Variants in CNTN4 observed in about 807,000 individuals in gnomAD.
CNTN4 encodes the protein contactin 4, also known as contactin-4.
In CNTN4, 77 loss-of-function variants were observed where a neutral mutation model predicts 122.5. That is an observed-to-expected ratio of 0.63 (90% CI 0.52 to 0.76). The LOEUF (loss-of-function observed/expected upper bound fraction) is 0.76. CNTN4 is among the 30% of genes least tolerant of loss of function. The pLI is 0.00. For missense variants in CNTN4, 1,256 were observed against 1,259.1 expected (o/e 1.00, Z 0.04); for synonymous variants, 512 against 447.0 (o/e 1.15, Z -1.83).
chr3:2,798,066 C>CCTTCCCAT (rs2092245702), intron 6 of CNTN4, among the ~76,000 whole-genome samples: 1 of 146,194 alleles, frequency 6.8e-6, no homozygotes, highest in African/African-American at 2.6e-5. Context: ...TTTTTTTAAT[C>CCTTCCCAT]CCTCCCACCC....
At chr3:2,390,735 G>T (rs2046413300) in intron 3 of CNTN4, among the ~76,000 whole-genome samples, 1 of 152,036 alleles carries the variant, frequency 6.6e-6, no homozygotes, top group African/African-American at 2.4e-5. Flanking sequence ...AATTAAAGCA[G>T]TTTTACAAAA....
chr3:2,447,692 T>G (rs886349408), intron 3 of CNTN4, among the ~76,000 whole-genome samples: 2 of 152,248 alleles, frequency 1.3e-5, no homozygotes, highest in Non-Finnish European at 2.9e-5. Context: ...ATATTAAAAA[T>G]GTATATACCT....
At chr3:2,319,374 G>C (rs1359815545) in intron 2 of CNTN4, among the ~76,000 whole-genome samples, 1 of 152,070 alleles carries the variant, frequency 6.6e-6, no homozygotes, top group Non-Finnish European at 1.5e-5. Context: ...CTTAACCCTT[G>C]AACAACGTTA....
chr3:2,980,938 T>C (rs935591182), intron 13 of CNTN4, among the ~76,000 whole-genome samples: 31 of 152,152 alleles, frequency 2.0e-4, no homozygotes, highest in African/African-American at 7.5e-4. Flanking sequence ...CACCCTGTTG[T>C]CTGCTTCTTG....
chr3:2,804,385 G>A lies in CNTN4; in HGVS notation c.359-15101G>A, dbSNP rs570239421. On this transcript the variant is annotated intron_variant, in intron 6 of 24. Coordinates refer to ENST00000418658, the MANE Select transcript of CNTN4 (RefSeq NM_175607.3). ...CCTGGGTTAGTATTCTGGCATTATC[G>A]TTTACTAACAATGTGTACTTGAGCA... is the stretch of plus-strand genomic sequence containing the variant. Among the ~76,000 whole-genome samples the A allele has an allele frequency of 5.3e-5, 8 of 152,206 alleles. 1 individual carries two copies. The South Asian group carries it at 1.5e-3, about 28-fold the overall frequency.
Position 3,013,215 on chromosome 3 carries a change from A to T in CNTN4, c.1487-12887A>T, listed in dbSNP as rs966395050. On this transcript the variant is annotated intron_variant, in intron 14 of 24. Transcript: ENST00000418658. ...TGCCAAATACCATCTCCTCCAAATT[A>T]TAGATAAGAAAACTACAGCTCAGAG... 4.6e-5 allele frequency among the ~76,000 whole-genome samples: 7 copies of T among 152,102 alleles called. 2 individuals are homozygous for T. The highest frequency in any genetic ancestry group is 4.6e-4 in the Admixed American group (7 of 15,284).
chr3:2,779,617 T>C (rs1159186776), intron 6 of CNTN4, among the ~76,000 whole-genome samples: 1 of 152,248 alleles, frequency 6.6e-6, no homozygotes, highest in African/African-American at 2.4e-5. Context: ...TATCACTTAC[T>C]AGATGTGATG....
intron 4 of CNTN4, among the ~76,000 whole-genome samples, chr3:2,659,902 A>G (rs2083794151): frequency 1.3e-5 from 2 of 152,252 alleles, no homozygotes; most frequent in South Asian, 4.1e-4. Context: ...GTTCAGATAC[A>G]TCGAACTGGA....
chr3:2,976,721 T>C (rs1693449740), intron 13 of CNTN4, among the ~76,000 whole-genome samples: 1 of 152,226 alleles, frequency 6.6e-6, no homozygotes, highest in Non-Finnish European at 1.5e-5. Context: ...TAATTCAAAA[T>C]AATTAATTCC....
chr3:2,122,621 T>C (rs2033874196), intron 2 of CNTN4, among the ~76,000 whole-genome samples: 1 of 152,224 alleles, frequency 6.6e-6, no homozygotes, highest in Non-Finnish European at 1.5e-5. Context: ...GAAAGAAGAA[T>C]TGGAATTTTT....
At chr3:2,968,712 G>A (rs1429583733) in intron 13 of CNTN4, among the ~76,000 whole-genome samples, 1 of 152,178 alleles carries the variant, frequency 6.6e-6, no homozygotes, top group Non-Finnish European at 1.5e-5. Flanking sequence ...AACACAGAGA[G>A]CAAAAGGACT....
At chr3:2,561,163 G>C (rs1181106604) in intron 3 of CNTN4, among the ~76,000 whole-genome samples, 1 of 152,070 alleles carries the variant, frequency 6.6e-6, no homozygotes, top group Non-Finnish European at 1.5e-5. Context: ...AGAGTGTTTT[G>C]TGCTTACCTT....
At chr3:2,124,656 C>T (rs535837497) in intron 2 of CNTN4, among the ~76,000 whole-genome samples, 3 of 151,826 alleles carry the variant, frequency 2.0e-5, no homozygotes, top group Non-Finnish European at 1.5e-5. Flanking sequence ...TGACTGTGAT[C>T]CCAGCTACAT....
intron 13 of CNTN4, among the ~76,000 whole-genome samples, chr3:2,939,655 A>G (rs1249044795): frequency 6.6e-6 from 1 of 152,260 alleles, no homozygotes; most frequent in Non-Finnish European, 1.5e-5. Context: ...CCTCCAAGCA[A>G]GATCACTTAC....
intron 14 of CNTN4, among the ~76,000 whole-genome samples, chr3:3,007,148 T>C (rs1327530749): frequency 6.6e-6 from 1 of 152,234 alleles, no homozygotes; most frequent in Non-Finnish European, 1.5e-5. Flanking sequence ...TTGTTTACTA[T>C]TGTGCATGTA....
intron 4 of CNTN4, among the ~76,000 whole-genome samples, chr3:2,618,148 A>G (rs558047180): frequency 1.1e-4 from 16 of 152,300 alleles, no homozygotes; most frequent in African/African-American, 2.6e-4. Flanking sequence ...GGGAATGGAT[A>G]ATGCTTAGAA....
At chr3:2,517,916 G>A (rs768939183) in intron 3 of CNTN4, among the ~76,000 whole-genome samples, 10 of 152,144 alleles carry the variant, frequency 6.6e-5, no homozygotes, top group Non-Finnish European at 1.0e-4. Context: ...AATTTAAGGT[G>A]TGTGACTCCT....
At chr3:2,641,095 C>G (rs948283987) in intron 4 of CNTN4, among the ~76,000 whole-genome samples, 58 of 152,130 alleles carry the variant, frequency 3.8e-4, no homozygotes, top group African/African-American at 1.2e-3. Context: ...ACTTAATACC[C>G]TCAAAATTAA....
intron 21 of CNTN4, chr3:3,042,763 A>C: frequency 1.6e-6 from 1 of 607,934 alleles, no homozygotes; most frequent in East Asian, 2.8e-5. Flanking sequence ...GTGTCAATGT[A>C]CCGTCTCACT....
Sources: gnomAD v4.1 joint callset for allele counts (sites outside exome capture counted in the v4.1 genomes callset) on GRCh38, gnomAD v4.1.1 for gene constraint, MANE v1.5 for transcripts, NCBI Gene and HGNC (gene_info 2026-07-23, HGNC 2026-07-21) for gene names.